Variants in CADM2 observed in about 807,000 individuals in gnomAD.
CADM2 encodes the protein cell adhesion molecule 2.
In CADM2, 12 loss-of-function variants were observed where a neutral mutation model predicts 49.8. That is an observed-to-expected ratio of 0.24 (90% CI 0.15 to 0.39). The LOEUF (loss-of-function observed/expected upper bound fraction) is 0.39. CADM2 is among the 10% of genes least tolerant of loss of function. CADM2 has a pLI of 1.00. For missense variants in CADM2, 378 were observed against 492.3 expected (o/e 0.77, Z 2.20); for synonymous variants, 214 against 175.4 (o/e 1.22, Z -1.74).
At chr3:85,711,873 C>T (rs2067130355) in intron 1 of CADM2, among the ~76,000 whole-genome samples, 1 of 152,046 alleles carries the variant, frequency 6.6e-6, no homozygotes, top group Admixed American at 6.6e-5. Flanking sequence ...TTACTCTATG[C>T]AGCATTTGAT....
chr3:85,046,272 T>A (rs1300591619), intron 1 of CADM2, among the ~76,000 whole-genome samples: 1 of 151,948 alleles, frequency 6.6e-6, no homozygotes, highest in Non-Finnish European at 1.5e-5. Flanking sequence ...GTAAACCAAA[T>A]CTTTACTTCT....
intron 1 of CADM2, among the ~76,000 whole-genome samples, chr3:85,042,554 A>C (rs1464151040): frequency 1.3e-5 from 2 of 151,502 alleles, no homozygotes; most frequent in African/African-American, 4.9e-5. Flanking sequence ...GACTTTTTTG[A>C]CCGGGTTTCA....
chr3:85,108,558 G>C (rs2107563271), intron 1 of CADM2, among the ~76,000 whole-genome samples: 1 of 152,246 alleles, frequency 6.6e-6, no homozygotes, highest in African/African-American at 2.4e-5. Flanking sequence ...GTTTCAGTTT[G>C]AGATGACATA....
intron 1 of CADM2, among the ~76,000 whole-genome samples, chr3:85,322,607 A>G (rs1308749268): frequency 6.6e-6 from 1 of 152,244 alleles, no homozygotes; most frequent in Non-Finnish European, 1.5e-5. Flanking sequence ...ATAAATAAAT[A>G]TGCAAAACCA....
At chr3:85,777,044 G>A (rs904062230) in intron 2 of CADM2, among the ~76,000 whole-genome samples, 7 of 151,764 alleles carry the variant, frequency 4.6e-5, no homozygotes, top group South Asian at 2.1e-4. Context: ...CTTTTAAACC[G>A]TTTCAAATTC....
At position 85,033,037 on chromosome 3, in the gene CADM2, C is replaced by A. The variant is rs371772024; in HGVS notation, c.61+73369C>A. ...GGAAAAGAGAGAATAAGGAAAAATTCTACTTAAAAAAATTACAGATAAAAA... is the reference window on the plus strand; with the variant it reads ...GGAAAAGAGAGAATAAGGAAAAATTATACTTAAAAAAATTACAGATAAAAA... On this transcript the variant is annotated intron_variant, in intron 1 of 9. Coordinates refer to ENST00000383699, the MANE Select transcript of CADM2 (RefSeq NM_001167675.2). Among the ~76,000 whole-genome samples the A allele has an allele frequency of 5.3e-5, 8 of 152,046 alleles. No individual in the cohort carries two copies. In the East Asian group the frequency reaches 1.5e-3, roughly 29 times the overall value.
intron 1 of CADM2, among the ~76,000 whole-genome samples, chr3:85,175,695 G>A (rs1313630744): frequency 2.0e-5 from 3 of 151,998 alleles, no homozygotes; most frequent in Non-Finnish European, 4.4e-5. Context: ...ATGTTTTAAT[G>A]TCCACAGTGC....
At chr3:86,040,330 C>G (rs1244829760) in intron 8 of CADM2, among the ~76,000 whole-genome samples, 1 of 151,922 alleles carries the variant, frequency 6.6e-6, no homozygotes, top group East Asian at 1.9e-4. Flanking sequence ...ACTTAAAAAC[C>G]TTGAAAAAAA....
intron 8 of CADM2, among the ~76,000 whole-genome samples, chr3:86,024,569 C>G (rs1308197395): frequency 6.6e-6 from 1 of 152,110 alleles, no homozygotes; most frequent in Non-Finnish European, 1.5e-5. Flanking sequence ...ATATGTAATG[C>G]TCTGCCATTA....
chr3:85,840,068 T>C (rs1475297223), intron 3 of CADM2, among the ~76,000 whole-genome samples: 4 of 151,922 alleles, frequency 2.6e-5, no homozygotes, highest in African/African-American at 9.7e-5. Flanking sequence ...TTTTCTGTAA[T>C]TACTTGAATT....
At chr3:85,927,057 A>C (rs1719965679) in intron 6 of CADM2, among the ~76,000 whole-genome samples, 1 of 152,164 alleles carries the variant, frequency 6.6e-6, no homozygotes, top group African/African-American at 2.4e-5. Flanking sequence ...GAGAGCACAG[A>C]ATTTTTGGTA....
At chr3:85,190,322 T>TC (rs777862513) in intron 1 of CADM2, among the ~76,000 whole-genome samples, 1 of 152,058 alleles carries the variant, frequency 6.6e-6, no homozygotes, top group Non-Finnish European at 1.5e-5. Context: ...GCTATGTCAT[T>TC]CCCCCCTTAA....
intron 1 of CADM2, among the ~76,000 whole-genome samples, chr3:85,668,711 C>T (rs2065648678): frequency 6.6e-6 from 1 of 152,124 alleles, no homozygotes. Flanking sequence ...CCCTATGGAA[C>T]TGTAAGTCCA....
At chr3:85,339,411 T>C (rs1182945466) in intron 1 of CADM2, among the ~76,000 whole-genome samples, 1 of 151,524 alleles carries the variant, frequency 6.6e-6, no homozygotes, top group Non-Finnish European at 1.5e-5. Flanking sequence ...AATGTGTCTC[T>C]TTTTTTACTT....
chr3:85,929,953 C>T (rs1720385436), intron 6 of CADM2, among the ~76,000 whole-genome samples: 1 of 151,868 alleles, frequency 6.6e-6, no homozygotes, highest in African/African-American at 2.4e-5. Flanking sequence ...TTACTTCCTG[C>T]TATTAAAAAC....
intron 1 of CADM2, among the ~76,000 whole-genome samples, chr3:84,965,463 A>G (rs773813554): frequency 2.0e-5 from 3 of 152,224 alleles, no homozygotes; most frequent in Non-Finnish European, 4.4e-5. Flanking sequence ...GATCCAGAGT[A>G]TTTGTAATCA....
chr3:85,654,264 T>C (rs2065135030), intron 1 of CADM2, among the ~76,000 whole-genome samples: 1 of 152,172 alleles, frequency 6.6e-6, no homozygotes, highest in Non-Finnish European at 1.5e-5. Context: ...AATGGGTATA[T>C]CCAGCAGAGG....
chr3:85,601,130 GTATATATATATATATATATATATATA>G lies in CADM2; in HGVS notation c.62-125373_62-125348del, dbSNP rs375011644. Among the ~76,000 whole-genome samples, 712 of 109,640 alleles carry G rather than the reference GTATATATATATATATATATATATATA, an allele frequency of 6.5e-3. 22 individuals are homozygous for G. Among genetic ancestry groups the G allele is most frequent in the African/African-American group, 0.027 (675 of 25,118 alleles). The allele number at this position is 109,640 out of a possible 152,430, so 71.9% of individuals were successfully genotyped here. ...ATATACTGTGCATTTATATATGTGT[GTATATATATATATATATATATATATA>G]TATATATATATATATATACACACAC... On this transcript the variant is annotated intron_variant, in intron 1 of 9. Coordinates refer to ENST00000383699, the MANE Select transcript of CADM2 (RefSeq NM_001167675.2).
intron 1 of CADM2, among the ~76,000 whole-genome samples, chr3:85,016,475 A>G (rs1215936973): frequency 6.6e-6 from 1 of 152,146 alleles, no homozygotes; most frequent in African/African-American, 2.4e-5. Flanking sequence ...AACTACAAAT[A>G]AATAACTGTC....
Sources: gnomAD v4.1 joint callset for allele counts (sites outside exome capture counted in the v4.1 genomes callset) on GRCh38, gnomAD v4.1.1 for gene constraint, MANE v1.5 for transcripts, NCBI Gene and HGNC (gene_info 2026-07-23, HGNC 2026-07-21) for gene names.